PVT1: variants seen among roughly 807,000 people sequenced by gnomAD.
The protein encoded by PVT1 is Pvt1 oncogene, also known as CXCR4/PVT1 fusion.
At chr8:128,074,536 AG>A (rs891627457) in intron 5 of PVT1, among the ~76,000 whole-genome samples, 9 of 141,882 alleles carry the variant, frequency 6.3e-5, no homozygotes, top group Non-Finnish European at 6.1e-5. Flanking sequence ...AAAAAAAAAA[AG>A]GGGGGGGCTC....
chr8:127,976,528 GTCAC>G (rs1343758234), intron 3 of PVT1, among the ~76,000 whole-genome samples: 1 of 152,148 alleles, frequency 6.6e-6, no homozygotes, highest in Non-Finnish European at 1.5e-5. Context: ...GCCCCCAGAA[GTCAC>G]TCAGGAGGCT....
At chr8:128,074,985 C>T (rs985208616) in intron 5 of PVT1, among the ~76,000 whole-genome samples, 1 of 152,220 alleles carries the variant, frequency 6.6e-6, no homozygotes, top group African/African-American at 2.4e-5. Context: ...AACCATCTCT[C>T]TCCGTTCATG....
At chr8:127,802,542 A>T (rs1432856622) in intron 2 of PVT1, among the ~76,000 whole-genome samples, 1 of 152,024 alleles carries the variant, frequency 6.6e-6, no homozygotes, top group Non-Finnish European at 1.5e-5. Flanking sequence ...CAATTCTTTG[A>T]TGTTAATTAC....
At chr8:127,922,644 G>A (rs1816075793) in intron 3 of PVT1, among the ~76,000 whole-genome samples, 1 of 152,172 alleles carries the variant, frequency 6.6e-6, no homozygotes, top group Non-Finnish European at 1.5e-5. Context: ...CCTTGAAGAG[G>A]GAGATCTTGC....
chr8:127,815,110 C>T (rs1045267093), intron 2 of PVT1, among the ~76,000 whole-genome samples: 4 of 152,090 alleles, frequency 2.6e-5, no homozygotes, highest in Admixed American at 2.6e-4. Flanking sequence ...GGATTATAGT[C>T]GTGCACCACC....
chr8:127,923,818 T>C (rs1816093381), intron 3 of PVT1, among the ~76,000 whole-genome samples: 1 of 152,232 alleles, frequency 6.6e-6, no homozygotes, highest in Non-Finnish European at 1.5e-5. Context: ...GCCAGAGCCC[T>C]GGGAAGTGTC....
intron 2 of PVT1, among the ~76,000 whole-genome samples, chr8:127,818,050 C>T (rs541797431): frequency 5.9e-5 from 9 of 152,104 alleles, no homozygotes; most frequent in South Asian, 2.1e-4. Flanking sequence ...GGAAACAGCC[C>T]GGGTCCAGTT....
intron 3 of PVT1, chr8:127,947,990 C>CA: frequency 2.2e-6 from 1 of 444,516 alleles, no homozygotes. Flanking sequence ...AGTTTGGGAA[C>CA]ACATTGCCTT....
chr8:127,846,058 AC>A (rs140626635), intron 2 of PVT1, among the ~76,000 whole-genome samples: 6,633 of 152,202 alleles, frequency 0.044, 519 homozygotes, highest in African/African-American at 0.15. Flanking sequence ...AGAATCACTC[AC>A]CCTGGAGCCT....
chr8:127,963,304 C>T (rs1440052618), intron 3 of PVT1, among the ~76,000 whole-genome samples: 4 of 152,192 alleles, frequency 2.6e-5, no homozygotes, highest in South Asian at 2.1e-4. Flanking sequence ...GTGCGGTCCA[C>T]GGGGCAGGAC....
chr8:127,870,874 C>G (rs1815344254), intron 2 of PVT1, among the ~76,000 whole-genome samples: 1 of 152,206 alleles, frequency 6.6e-6, no homozygotes, highest in South Asian at 2.1e-4. Flanking sequence ...ATTATTTATA[C>G]TGTTTGCCAA....
At chr8:127,910,779 AT>A (rs1303852982) in intron 3 of PVT1, among the ~76,000 whole-genome samples, 1 of 152,206 alleles carries the variant, frequency 6.6e-6, no homozygotes, top group Non-Finnish European at 1.5e-5. Flanking sequence ...GAGGCTAAGT[AT>A]AATGTCTAAT....
At chr8:127,930,148 G>A (rs947572381) in intron 3 of PVT1, among the ~76,000 whole-genome samples, 1 of 152,012 alleles carries the variant, frequency 6.6e-6, no homozygotes, top group Non-Finnish European at 1.5e-5. Context: ...CTGGTGGGGC[G>A]GTGCGGAATT....
At chr8:128,038,431 G>A (rs1394371448) in intron 4 of PVT1, among the ~76,000 whole-genome samples, 4 of 152,170 alleles carry the variant, frequency 2.6e-5, no homozygotes, top group African/African-American at 4.8e-5. Context: ...GGTACTAATG[G>A]GGTCTGTAGC....
intron 4 of PVT1, among the ~76,000 whole-genome samples, chr8:128,008,004 C>T (rs967676982): frequency 1.3e-5 from 2 of 152,144 alleles, no homozygotes; most frequent in African/African-American, 4.8e-5. Flanking sequence ...AATTGTTTGT[C>T]CTCAGAAACT....
Position 128,026,337 on chromosome 8 carries a change from G to T in PVT1, n.912+37046G>T, listed in dbSNP as rs187710751. The stretch of plus-strand genomic sequence containing the variant: ...TTGTATTTTTTTTTTTATTCAAAGG[G>T]CTTGTGCTCAAATAAAGTGAGAGTA... On this transcript the variant is annotated intron_variant and non_coding_transcript_variant, in intron 4 of 10. Transcript: ENST00000651587. 1.9e-3 allele frequency among the ~76,000 whole-genome samples: 284 copies of T among 151,888 alleles called. 1 individual carries two copies. The highest frequency in any genetic ancestry group is 5.9e-3 in the African/African-American group (245 of 41,388).
At chr8:127,834,897 T>C (rs1814892814) in intron 2 of PVT1, among the ~76,000 whole-genome samples, 1 of 152,196 alleles carries the variant, frequency 6.6e-6, no homozygotes, top group African/African-American at 2.4e-5. Context: ...CACAATGAGA[T>C]ACCATCTCAT....
At chr8:127,869,702 T>A (rs1276028072) in intron 2 of PVT1, among the ~76,000 whole-genome samples, 3 of 152,222 alleles carry the variant, frequency 2.0e-5, no homozygotes, top group African/African-American at 7.2e-5. Context: ...TACCTTATAG[T>A]AGAAGAACAT....
intron 2 of PVT1, among the ~76,000 whole-genome samples, chr8:127,812,260 AAGGC>A (rs772488503): frequency 0.016 from 1,883 of 118,186 alleles, 49 homozygotes; most frequent in African/African-American, 0.072. Flanking sequence ...GGAAGGCAGG[AAGGC>A]AGGAAGGAAG....
Sources: gnomAD v4.1 joint callset for allele counts (sites outside exome capture counted in the v4.1 genomes callset) on GRCh38, gnomAD v4.1.1 for gene constraint, MANE v1.5 for transcripts, NCBI Gene and HGNC (gene_info 2026-07-23, HGNC 2026-07-21) for gene names.